Variants in CNTN2 observed in about 807,000 individuals in gnomAD.
CNTN2 encodes contactin 2.
Under a neutral mutation model 117.5 loss-of-function variants are expected in CNTN2, and 53 were observed. That is an observed-to-expected ratio of 0.45 (90% CI 0.36 to 0.57). CNTN2 has a LOEUF of 0.57. Ranked by LOEUF, CNTN2 falls within the 20% of genes least tolerant of loss-of-function variation. The pLI is 0.00. For missense variants in CNTN2, 1,106 were observed against 1,404.3 expected (o/e 0.79, Z 3.39); for synonymous variants, 530 against 561.7 (o/e 0.94, Z 0.80).
intron 14 of CNTN2, 73 bp from the exon 15 acceptor site, chr1:205,066,368 T>C (rs1186663155): frequency 1.3e-6 from 2 of 1,553,872 alleles, no homozygotes; most frequent in East Asian, 2.3e-5. Flanking sequence ...AGCTCAAGCC[T>C]GGCTGGGAGG....
At chr1:205,049,178 T>G (rs1317106699) in intron 1 of CNTN2, among the ~76,000 whole-genome samples, 1 of 151,546 alleles carries the variant, frequency 6.6e-6, no homozygotes, top group Non-Finnish European at 1.5e-5. Context: ...GTAATAGAGA[T>G]AACAGATAAT....
intron 2 of CNTN2, among the ~76,000 whole-genome samples, chr1:205,053,824 A>T (rs549873069): frequency 2.0e-5 from 3 of 152,238 alleles, no homozygotes; most frequent in Admixed American, 1.3e-4. Flanking sequence ...TTCTTAAGGC[A>T]ACGCTGCATC....
At chr1:205,067,357 C>CAG in intron 16 of CNTN2, 107 bp downstream of exon 16, 4 of 1,359,820 alleles carry the variant, frequency 2.9e-6, no homozygotes, top group Non-Finnish European at 4.0e-6. Flanking sequence ...CAACCCTGCT[C>CAG]ACAGGGTTCA....
chr1:205,058,870 G>A lies in CNTN2; in HGVS notation c.487+207G>A. ...CCCTGCTTCCGCCTTCAAACTGGGT[G>A]GCCCCTGAGGGCTGCGATCCCTGGC... On this transcript the variant is annotated intron_variant, in intron 5 of 22. Transcript: ENST00000331830. The surrounding 1 kb of genome is among the most constrained non-coding windows in gnomAD (Gnocchi z 4.3). The A allele has an allele frequency of 1.5e-6, 1 of 658,828 alleles. No homozygotes were observed. The highest frequency in any genetic ancestry group is 2.6e-6 in the Non-Finnish European group (1 of 388,312). The allele number at this position is 658,828 out of a possible 1,614,324, so 40.8% of individuals were successfully genotyped here.
In CNTN2 at chr1:205,057,933, C is replaced by T; in HGVS notation, c.83C>T (p.Ala28Val). Residue 28 changes from alanine (A) to valine (V), a missense_variant, in exon 3 of 23, where the codon GCC becomes GTC. Ala to Val is a moderately conservative substitution (Grantham distance 64). Coordinates refer to ENST00000331830, the MANE Select transcript of CNTN2 (RefSeq NM_005076.5). ...TCATCACCTGCAGCTTGGAGTTCAG[C>T]CCTGGGATCCCAAACCACCTTCGGG... ...ALVSSSAWSS[A>V]LGSQTTFGPV... is the part of the protein sequence containing the mutation. The T allele has an allele frequency of 6.2e-7, 1 of 1,613,868 alleles. No individual in the cohort carries two copies. Among genetic ancestry groups the T allele is most frequent in the Non-Finnish European group, 8.5e-7 (1 of 1,179,892 alleles).
chr1:205,064,376 G>T lies in CNTN2; in HGVS notation c.1295G>T (p.Arg432Leu), dbSNP rs200098924. The T allele has an allele frequency of 6.2e-7, 1 of 1,609,556 alleles. No individual in the cohort carries two copies. The highest frequency in any genetic ancestry group is 1.3e-5 in the African/African-American group (1 of 74,934). The change falls in exon 11 of 23, where the codon CGC (arginine) becomes CTC (leucine). Residue 432 changes from arginine to leucine, a missense_variant. Physicochemically the swap from Arg to Leu is moderately radical, Grantham distance 102 (BLOSUM62 -2). Transcript: ENST00000331830. The part of the protein sequence containing the change: ...NPVRRLIPAA[R>L]GGEILIPCQP... Reference sequence around the variant, plus strand: ...GTGAGGCGTCTGATCCCCGCGGCCCGCGGGGGAGAGATCCTTATCCCCTGC... The same window carrying T: ...GTGAGGCGTCTGATCCCCGCGGCCCTCGGGGGAGAGATCCTTATCCCCTGC...
chr1:205,060,556 T>TA (rs901091071), intron 7 of CNTN2: 1 of 151,114 alleles, frequency 6.6e-6, no homozygotes, highest in African/African-American at 2.4e-5. Flanking sequence ...CTACTAAAAA[T>TA]ACAAAAAAAA....
intron 2 of CNTN2, among the ~76,000 whole-genome samples, chr1:205,055,492 A>G (rs1187823158): frequency 6.6e-6 from 1 of 152,172 alleles, no homozygotes; most frequent in Non-Finnish European, 1.5e-5. Flanking sequence ...GTGTCCAGAA[A>G]GTCTCACAGC....
At position 205,053,267 on chromosome 1, in the gene CNTN2, C is replaced by T; in HGVS notation, c.70+12C>T. 1.9e-6 allele frequency: 3 copies of T among 1,609,236 alleles called. No homozygotes were observed. The highest frequency in any genetic ancestry group is 1.7e-6 in the Non-Finnish European group (2 of 1,177,030). ...TGTCTCCTCTTCAGGTAAGAGGGCT[C>T]ATCTGGGCTTTGAAGCCTAGCAGGC... is the stretch of plus-strand genomic sequence containing the variant. On this transcript the variant is annotated intron_variant, in intron 2 of 22. Coordinates refer to ENST00000331830, the MANE Select transcript of CNTN2 (RefSeq NM_005076.5).
rs1251127784 is a variant in CNTN2, at chr1:205,058,399, AG to A, written c.391+48del. On this transcript the variant is annotated intron_variant, in intron 4 of 22. Coordinates refer to ENST00000331830, the MANE Select transcript of CNTN2 (RefSeq NM_005076.5). This position sits in a 1 kb window ranked among gnomAD's most constrained non-coding sequence, Gnocchi z 4.3. Reference sequence around the variant, plus strand: ...CCAAGACACTTTGGGGGAGGGGGAGAGGGGGCTAGGAGAAATTACTGAGAAA... The same window carrying A: ...CCAAGACACTTTGGGGGAGGGGGAGAGGGGCTAGGAGAAATTACTGAGAAA... 9 of 1,526,862 alleles carry A rather than the reference AG, an allele frequency of 5.9e-6. 1 individual carries two copies. The African/African-American group carries it at 8.3e-5, about 14-fold the overall frequency. The allele number at this position is 1,526,862 out of a possible 1,614,324, so 94.6% of individuals were successfully genotyped here.
chr1:205,047,883 C>T (rs752413155), intron 1 of CNTN2, among the ~76,000 whole-genome samples: 21 of 152,154 alleles, frequency 1.4e-4, no homozygotes, highest in Non-Finnish European at 2.8e-4. Flanking sequence ...CCCTTCTCAT[C>T]CCATTCTTGC....
At chr1:205,068,336 T>C (rs1209056802) in intron 16 of CNTN2, 2 of 152,196 alleles carry the variant, frequency 1.3e-5, no homozygotes, top group Non-Finnish European at 2.9e-5. Flanking sequence ...GTAGTGAGGG[T>C]CCACCTTCTT....
chr1:205,046,959 G>C (rs1428869853), intron 1 of CNTN2, among the ~76,000 whole-genome samples: 2 of 152,002 alleles, frequency 1.3e-5, no homozygotes, highest in Non-Finnish European at 2.9e-5. Flanking sequence ...TCTCTTGCAG[G>C]GGCAAAGACT....
chr1:205,072,988 T>TC, intron 21 of CNTN2, 80 bp from the exon 22 acceptor site: 2 of 1,498,810 alleles, frequency 1.3e-6, no homozygotes, highest in African/African-American at 1.4e-5. Flanking sequence ...TCGGGTCTCC[T>TC]CCCAGTACCT....
Position 205,066,461 on chromosome 1 carries a change from G to GGT in CNTN2, c.1841_1842dup (p.Val615TrpfsTer3). On this transcript the variant is annotated frameshift_variant, in exon 15 of 23. Coordinates refer to ENST00000331830, the MANE Select transcript of CNTN2 (RefSeq NM_005076.5). LOFTEE classifies it high-confidence loss of function. ...TGCAGGTCCGCCAGGTCCCCCAGGA[G>GGT]GTGTGGTGGTGAGGGACATTGGCGA... 6.2e-7 allele frequency: 1 copy of GGT among 1,614,038 alleles called. No individual in the cohort carries two copies.
At chr1:205,054,325 G>A (rs2096457622) in intron 2 of CNTN2, among the ~76,000 whole-genome samples, 1 of 152,180 alleles carries the variant, frequency 6.6e-6, no homozygotes, top group African/African-American at 2.4e-5. Context: ...TTCTCATTCT[G>A]TCCTCACTGC....
rs1653770612 is a variant in CNTN2, at chr1:205,058,287, G to A, written c.322G>A (p.Val108Ile). The A allele has an allele frequency of 6.5e-7, 1 of 1,532,590 alleles. No individual in the cohort carries two copies. Among genetic ancestry groups the A allele is most frequent in the South Asian group, 1.3e-5 (1 of 77,696 alleles). 94.9% of individuals were successfully genotyped at this position (1,532,590 alleles called of 1,614,324 possible). A position where few individuals can be genotyped will look rare whatever the true frequency, so the allele number is the denominator to read the frequency against. The change falls in exon 4 of 23, where the codon GTC becomes ATC. Residue 108 changes from valine to isoleucine, a missense_variant. Physicochemically the swap from Val to Ile is conservative, Grantham distance 29 (BLOSUM62 3). Transcript: ENST00000331830. This position sits in a 1 kb window ranked among gnomAD's most constrained non-coding sequence, Gnocchi z 4.3. ...MNPTKAQDAG[V>I]YQCLASNPVG... ...CCCCACCAAGGCACAGGATGCCGGG[G>A]TCTACCAGTGCCTGGCCTCCAACCC...
In CNTN2 at chr1:205,048,165, G is replaced by A. The variant is rs148254550; in HGVS notation, c.-87+4771G>A. On this transcript the variant is annotated intron_variant, in intron 1 of 22. Coordinates refer to ENST00000331830, the MANE Select transcript of CNTN2 (RefSeq NM_005076.5). The surrounding 1 kb of genome is among the most constrained non-coding windows in gnomAD (Gnocchi z 4.1). ...TTGCTACCACCATCCATCGGAAGTT[G>A]CCAAATCTCTCATTGCTCTCCAATC... Among the ~76,000 whole-genome samples, 2 of 152,288 alleles carry A rather than the reference G, an allele frequency of 1.3e-5. No homozygotes were observed. Among genetic ancestry groups the A allele is most frequent in the African/African-American group, 4.8e-5 (2 of 41,552 alleles).
chr1:205,048,562 G>A lies in CNTN2; in HGVS notation c.-86-4538G>A, dbSNP rs2096445917. On this transcript the variant is annotated intron_variant, in intron 1 of 22. Coordinates refer to ENST00000331830, the MANE Select transcript of CNTN2 (RefSeq NM_005076.5). This position sits in a 1 kb window ranked among gnomAD's most constrained non-coding sequence, Gnocchi z 4.1. ...AGGGCAGCTGGCCTGGGCGAGGCTT[G>A]GCTGGCTCAGGGTTCGCAGGGCCAG... Among the ~76,000 whole-genome samples, 1 of 152,126 alleles carries A rather than the reference G, an allele frequency of 6.6e-6. No homozygotes were observed. Among genetic ancestry groups the A allele is most frequent in the East Asian group, 1.9e-4 (1 of 5,178 alleles).
Sources: gnomAD v4.1 joint callset for allele counts (sites outside exome capture counted in the v4.1 genomes callset) on GRCh38, gnomAD v4.1.1 for gene constraint, Gnocchi (gnomAD v3.1) non-coding constraint, MANE v1.5 for transcripts, NCBI Gene and HGNC (gene_info 2026-07-23, HGNC 2026-07-21) for gene names.